The following TRIP12 variants were observed in gnomAD, a reference collection of about 807,000 sequenced individuals.
TRIP12 encodes the protein E3 ubiquitin-protein ligase TRIP12.
TRIP12 carries 25 observed loss-of-function variants against 244.2 expected under a neutral mutation model. The ratio of observed to expected loss-of-function variants is 0.10; its 90% CI spans 0.07 to 0.14. TRIP12 has a LOEUF of 0.14. TRIP12 is among the 10% of genes least tolerant of loss of function. The pLI is 1.00. For synonymous variants in TRIP12, 905 were observed against 873.1 expected (o/e 1.04, Z -0.64); for missense variants, 1,677 against 2,486.4 (o/e 0.67, Z 6.92).
chr2:229,791,159 G>C lies in TRIP12; in HGVS notation c.4508C>G (p.Pro1503Arg), dbSNP rs781113364. Residue 1503 changes from proline (P) to arginine (R), a missense_variant, in exon 30 of 42, where the codon CCT becomes CGT. Physicochemically the swap from Pro to Arg is moderately radical, Grantham distance 103. Around this residue, in one of 11 missense-constraint regions of TRIP12, gnomAD observed 265 missense variants for 370.8 expected, o/e 0.71. Coordinates refer to ENST00000675903, the MANE Select transcript of TRIP12 (RefSeq NM_001348323.3). Reference sequence around the variant, plus strand: ...CTCATCATGCTTTTTTGCATTTCTAGGGGAAGTTTTCGTTGGAGCTGTTTG... The same window carrying C: ...CTCATCATGCTTTTTTGCATTTCTACGGGAAGTTTTCGTTGGAGCTGTTTG... Reference protein sequence around the residue: ...RAQTAPTKTSPRNAKKHDELW... With the variant: ...RAQTAPTKTSRRNAKKHDELW... The C allele has an allele frequency of 6.2e-7, 1 of 1,613,984 alleles. No homozygotes were observed. The highest frequency in any genetic ancestry group is 8.5e-7 in the Non-Finnish European group (1 of 1,179,940).
chr2:229,882,918 T>C (rs1369748324), intron 1 of TRIP12, among the ~76,000 whole-genome samples: 1 of 152,192 alleles, frequency 6.6e-6, no homozygotes, highest in East Asian at 1.9e-4. Flanking sequence ...AGAGGAAGAA[T>C]AGCAGGTAAG....
chr2:229,809,527 G>T (rs577438287), intron 15 of TRIP12, among the ~76,000 whole-genome samples: 1 of 152,292 alleles, frequency 6.6e-6, no homozygotes, highest in South Asian at 2.1e-4. Flanking sequence ...ATTTAGGGAT[G>T]TGCTGTAACA....
chr2:229,854,811 A>T (rs764196734), intron 4 of TRIP12, among the ~76,000 whole-genome samples: 2 of 152,200 alleles, frequency 1.3e-5, no homozygotes, highest in Non-Finnish European at 2.9e-5. Flanking sequence ...AGCTTGCCCT[A>T]TCTGTTCACC....
chr2:229,843,041 ATTCTCTCT>A lies in TRIP12; in HGVS notation c.1028-2122_1028-2115del, dbSNP rs2056821729. 2.0e-5 allele frequency among the ~76,000 whole-genome samples: 3 copies of A among 149,000 alleles called. 1 individual carries two copies. The highest frequency in any genetic ancestry group is 4.3e-4 in the South Asian group (2 of 4,646). On this transcript the variant is annotated intron_variant, in intron 4 of 41. Coordinates refer to ENST00000675903, the MANE Select transcript of TRIP12 (RefSeq NM_001348323.3). ...GATCCCTTGTAGGTAATTCTCTCTT[ATTCTCTCT>A]TTCTCTCTCTCTCTCCCCCACTCCT...
intron 4 of TRIP12, among the ~76,000 whole-genome samples, chr2:229,846,458 C>T (rs910025841): frequency 1.3e-5 from 2 of 152,064 alleles, no homozygotes; most frequent in South Asian, 2.1e-4. Context: ...AAGCCATGTA[C>T]ATTGTTTTTT....
At chr2:229,922,574 A>C (rs1479769544), upstream of TRIP12, 2 of 1,613,950 alleles carry the variant, frequency 1.2e-6, no homozygotes, top group Non-Finnish European at 1.7e-6. Flanking sequence ...GCCGCCTAGC[A>C]AAGACTATTA....
rs2047953991 is a variant in TRIP12, at chr2:229,814,213, C to T, written c.1824+20G>A. 3 of 1,611,320 alleles carry T rather than the reference C, an allele frequency of 1.9e-6. No homozygotes were observed. Among genetic ancestry groups the T allele is most frequent in the South Asian group, 2.2e-5 (2 of 90,898 alleles). ...TTCTACATAAAGTGAAATGTAGTCCCCTTCAGTAACAACACTTACCGCCTG... is the reference window on the plus strand; with the variant it reads ...TTCTACATAAAGTGAAATGTAGTCCTCTTCAGTAACAACACTTACCGCCTG... On this transcript the variant is annotated intron_variant, in intron 12 of 41. Transcript: ENST00000675903.
intron 41 of TRIP12, 118 bp downstream of exon 41, chr2:229,768,498 G>T: frequency 1.2e-6 from 1 of 845,996 alleles, no homozygotes; most frequent in Non-Finnish European, 1.9e-6. Flanking sequence ...AATGATACTG[G>T]AATAACTAAG....
At chr2:229,861,439 G>A (rs1298526559) in intron 2 of TRIP12, among the ~76,000 whole-genome samples, 1 of 152,160 alleles carries the variant, frequency 6.6e-6, no homozygotes, top group Non-Finnish European at 1.5e-5. Context: ...TGCAATTTAT[G>A]TAATTCATAG....
At chr2:229,850,278 T>C (rs951146981) in intron 4 of TRIP12, among the ~76,000 whole-genome samples, 3 of 151,798 alleles carry the variant, frequency 2.0e-5, no homozygotes, top group Admixed American at 6.5e-5. Flanking sequence ...TTTTTAAATT[T>C]GGCCACTTCT....
chr2:229,830,704 T>C, intron 7 of TRIP12, 52 bp downstream of exon 7: 3 of 1,493,282 alleles, frequency 2.0e-6, no homozygotes, highest in East Asian at 4.5e-5. Context: ...AGAATGGTAT[T>C]AACAGGTAGC....
At chr2:229,807,510 A>G in intron 17 of TRIP12, 198 bp downstream of exon 17, 1 of 629,726 alleles carries the variant, frequency 1.6e-6, no homozygotes, top group Non-Finnish European at 2.8e-6. Context: ...GGTAGTTAGC[A>G]GCAGAAGCAG....
intron 2 of TRIP12, among the ~76,000 whole-genome samples, chr2:229,876,881 A>C (rs191813624): frequency 3.9e-5 from 6 of 152,202 alleles, no homozygotes; most frequent in Non-Finnish European, 5.9e-5. Flanking sequence ...GTGATGACAC[A>C]TGATGTGTAT....
chr2:229,861,891 TAAC>T (rs1160583463), intron 2 of TRIP12, among the ~76,000 whole-genome samples: 2 of 152,052 alleles, frequency 1.3e-5, no homozygotes, highest in Non-Finnish European at 2.9e-5. Context: ...TAAAAAAAAA[TAAC>T]AAAAAAACAA....
In TRIP12 at chr2:229,804,214, C is replaced by G; in HGVS notation, c.2664G>C (p.Glu888Asp). ...LANSNTSGYS[E>D]SKKDDARAQL... is the part of the protein sequence containing the mutation. ...GTGCTCGAGCATCATCCTTCTTTGA[C>G]TCTGAATATCCACCTATTACATTAA... Residue 888 changes from glutamate to aspartate, a missense_variant, in exon 19 of 42, where the codon GAG becomes GAC. Transcript: ENST00000675903. 6.2e-7 allele frequency: 1 copy of G among 1,612,878 alleles called. No homozygotes were observed. Among genetic ancestry groups the G allele is most frequent in the Non-Finnish European group, 8.5e-7 (1 of 1,179,638 alleles).
intron 1 of TRIP12, among the ~76,000 whole-genome samples, chr2:229,892,007 C>T (rs1043005725): frequency 1.8e-4 from 27 of 152,222 alleles, no homozygotes; most frequent in African/African-American, 6.3e-4. Flanking sequence ...TCTGTATATA[C>T]TGCACTGACA....
chr2:229,920,479 C>A (rs1345353093), intron 1 of TRIP12, among the ~76,000 whole-genome samples: 2 of 152,016 alleles, frequency 1.3e-5, no homozygotes, highest in African/African-American at 2.4e-5. Flanking sequence ...CCCCCCGCAC[C>A]GGCCCAACCT....
intron 30 of TRIP12, among the ~76,000 whole-genome samples, chr2:229,790,195 C>A (rs961908896): frequency 2.0e-5 from 3 of 152,104 alleles, no homozygotes; most frequent in African/African-American, 4.8e-5. Context: ...TTATTTAATG[C>A]AAGGCTTAGG....
chr2:229,793,909 G>A (rs1476183964), intron 26 of TRIP12, among the ~76,000 whole-genome samples: 1 of 151,554 alleles, frequency 6.6e-6, no homozygotes, highest in African/African-American at 2.4e-5. Context: ...TGTGGCCCAA[G>A]ACAATTCATC....
Sources: gnomAD v4.1 joint callset for allele counts (sites outside exome capture counted in the v4.1 genomes callset) on GRCh38, gnomAD v4.1.1 for gene constraint, gnomAD v4.1.1 regional missense constraint, MANE v1.5 for transcripts, NCBI Gene and HGNC (gene_info 2026-07-23, HGNC 2026-07-21) for gene names.